The following CLEC2A variants were observed in gnomAD, a reference collection of about 807,000 sequenced individuals.
CLEC2A encodes keratinocyte-associated C-type lectin.
A neutral mutation model predicts 18.6 loss-of-function variants in CLEC2A; 19 were observed. The observed-to-expected ratio is 1.02, with a 90% CI of 0.71 to 1.50. CLEC2A has a LOEUF of 1.50. Among genes scored for constraint, CLEC2A ranks in the 40% most tolerant of loss-of-function variants. The pLI is 0.00. For missense variants in CLEC2A, 190 were observed against 207.9 expected, an observed-to-expected ratio of 0.91 and a Z score of 0.53; for synonymous variants, 74 against 64.0, an observed-to-expected ratio of 1.16 and a Z score of -0.75.
At chr12:9,893,186 G>T in the CLEC2A span, 7 of 1,523,278 alleles carry the variant, frequency 4.6e-6, no homozygotes, top group Non-Finnish European at 6.2e-6. Flanking sequence ...ATCAAAAACA[G>T]GATCTAACTG....
intron 3 of CLEC2A, among the ~76,000 whole-genome samples, chr12:9,917,022 T>C (rs1399437079): frequency 1.3e-5 from 2 of 152,206 alleles, no homozygotes; most frequent in Admixed American, 6.5e-5. Context: ...CTCCAGATAA[T>C]TGGGCTACAA....
chr12:9,905,099 G>T (rs1408839939), intron 4 of CLEC2A, among the ~76,000 whole-genome samples: 1 of 152,192 alleles, frequency 6.6e-6, no homozygotes, highest in Admixed American at 6.5e-5. Context: ...GTGACTTTCT[G>T]CTGGAAAGAA....
At chr12:9,895,730 T>A (rs1862748837), downstream of CLEC2A, 10 of 1,535,650 alleles carry the variant, frequency 6.5e-6, no homozygotes, top group East Asian at 2.4e-4. Flanking sequence ...AGCTGTGCCG[T>A]TATCACAGGA....
downstream of CLEC2A, among the ~76,000 whole-genome samples, chr12:9,912,353 G>A (rs935691438): frequency 1.3e-5 from 2 of 152,062 alleles, no homozygotes; most frequent in Non-Finnish European, 2.9e-5. Flanking sequence ...AGAGTGAGGA[G>A]ACCCCACTTG....
rs142700591 is a variant in CLEC2A at position 9,927,395 on chromosome 12, C to T, written c.56-1052G>A. ...GGACCATTGTTGTTATGCAATCTGT[C>T]ATTGACCAAAACATTGTTCTATGGT... On this transcript the variant is annotated intron_variant, in intron 1 of 4. Coordinates refer to ENST00000455827, the MANE Select transcript of CLEC2A (RefSeq NM_001130711.2). Among the ~76,000 whole-genome samples the T allele has an allele frequency of 7.2e-5, 11 of 152,266 alleles. No individual in the cohort carries two copies. The East Asian group carries it at 2.1e-3, about 29-fold the overall frequency.
At chr12:9,924,405 C>T (rs572331630) in intron 2 of CLEC2A, among the ~76,000 whole-genome samples, 6 of 152,118 alleles carry the variant, frequency 3.9e-5, no homozygotes, top group Admixed American at 6.5e-5. Context: ...AGACTATAAA[C>T]AAGAAGACTA....
chr12:9,910,854 G>C (rs1023363854), downstream of CLEC2A, among the ~76,000 whole-genome samples: 1 of 152,120 alleles, frequency 6.6e-6, no homozygotes, highest in African/African-American at 2.4e-5. Flanking sequence ...CTCCTCATGG[G>C]AGATGATCTG....
intron 1 of CLEC2A, among the ~76,000 whole-genome samples, chr12:9,928,896 G>A (rs1863323965): frequency 6.6e-6 from 1 of 152,188 alleles, no homozygotes; most frequent in Non-Finnish European, 1.5e-5. Flanking sequence ...ACTGGTTGAA[G>A]TACAAAAATG....
the CLEC2A span, among the ~76,000 whole-genome samples, chr12:9,890,960 T>A: frequency 6.6e-6 from 1 of 152,212 alleles, no homozygotes; most frequent in Admixed American, 6.5e-5. Context: ...TCATTTGATT[T>A]CTTAGAATTA....
chr12:9,897,442 C>A (rs1862768712), downstream of CLEC2A, among the ~76,000 whole-genome samples: 1 of 151,932 alleles, frequency 6.6e-6, no homozygotes, highest in Non-Finnish European at 1.5e-5. Flanking sequence ...GATGCAGGAT[C>A]TTTTGCTCCT....
intron 1 of CLEC2A, among the ~76,000 whole-genome samples, 180 bp from the exon 2 acceptor site, chr12:9,926,523 T>C (rs1398117873): frequency 1.3e-5 from 2 of 152,060 alleles, no homozygotes; most frequent in Non-Finnish European, 2.9e-5. Context: ...TACCAAAAAA[T>C]GATTGCTATA....
chr12:9,883,737 A>G, the CLEC2A span, among the ~76,000 whole-genome samples: 1 of 152,336 alleles, frequency 6.6e-6, no homozygotes, highest in African/African-American at 2.4e-5. Context: ...AATACAGACA[A>G]TTGAGTAGCA....
rs1316418112 is a variant in CLEC2A at position 9,898,852 on chromosome 12, C to A, written c.*52G>T. The A allele has an allele frequency of 5.7e-6, 4 of 701,098 alleles. No homozygotes were observed. The Admixed American group carries it at 8.1e-5, about 14-fold the overall frequency. 43.4% of individuals were successfully genotyped at this position (701,098 alleles called of 1,614,324 possible). ...TGAAGACAGATTTAACTGCTTCCTG[C>A]TGACAGGGGACATTGTTTTGGGGAA... On this transcript the variant is annotated 3_prime_UTR_variant, in exon 5 of 5. Coordinates refer to the CLEC2A transcript ENST00000339766.
At chr12:9,887,202 C>G in the CLEC2A span, among the ~76,000 whole-genome samples, 1,227 of 151,940 alleles carry the variant, frequency 8.1e-3, 27 homozygotes, top group African/African-American at 0.028. Flanking sequence ...AACCAAAAAA[C>G]ATGAGTTTTC....
chr12:9,903,972 A>G lies in CLEC2A; in HGVS notation c.411-4996T>C, dbSNP rs114983080. 1.6e-3 allele frequency among the ~76,000 whole-genome samples: 249 copies of G among 152,340 alleles called. 2 individuals are homozygous for G. The highest frequency in any genetic ancestry group is 5.7e-3 in the African/African-American group (239 of 41,578). ...GGTGAAAGGGATGGCCAGTTGGATCAGAGTGCAAGTGCTGCTCTGCTCCAG... is the reference window on the plus strand; with the variant it reads ...GGTGAAAGGGATGGCCAGTTGGATCGGAGTGCAAGTGCTGCTCTGCTCCAG... On this transcript the variant is annotated intron_variant, in intron 4 of 4. Coordinates refer to the CLEC2A transcript ENST00000339766.
chr12:9,881,525 C>T, the CLEC2A span: 3 of 1,141,016 alleles, frequency 2.6e-6, no homozygotes, highest in Admixed American at 4.1e-5. Context: ...AGAGACATAT[C>T]CAAGGTTGAG....
the CLEC2A span, among the ~76,000 whole-genome samples, chr12:9,880,241 G>A: frequency 6.6e-6 from 1 of 152,152 alleles, no homozygotes; most frequent in Non-Finnish European, 1.5e-5. Flanking sequence ...GAAACTAATA[G>A]GTGAGATGAC....
the CLEC2A span, among the ~76,000 whole-genome samples, chr12:9,884,646 A>T: frequency 2.7e-5 from 4 of 149,210 alleles, no homozygotes; most frequent in African/African-American, 7.3e-5. Context: ...TATCATATAT[A>T]ATATGTATTT....
chr12:9,915,192 T>A (rs2137035309), intron 4 of CLEC2A, among the ~76,000 whole-genome samples: 2 of 151,888 alleles, frequency 1.3e-5, no homozygotes, highest in African/African-American at 4.8e-5. Context: ...TATTAAAAAG[T>A]CAAAAAACTA....
Sources: allele counts gnomAD v4.1 joint callset (sites outside exome capture counted in the v4.1 genomes callset), GRCh38; gene constraint gnomAD v4.1.1; transcripts MANE v1.5; gene names NCBI Gene and HGNC (gene_info 2026-07-23, HGNC 2026-07-21).